Variants in MRPS22 observed in about 807,000 individuals in gnomAD.
MRPS22 encodes the protein small ribosomal subunit protein mS22.
Under a neutral mutation model 44.0 loss-of-function variants are expected in MRPS22, and 30 were observed. That is an observed-to-expected ratio of 0.68 (90% confidence interval 0.51 to 0.93). MRPS22 has a LOEUF of 0.93. Ranked by LOEUF, MRPS22 falls within the 40% of genes least tolerant of loss-of-function variation. The pLI, the probability that MRPS22 is intolerant of heterozygous loss-of-function variation, is 0.00. For synonymous variants in MRPS22, 165 were observed against 154.4 expected (o/e 1.07, Z -0.51); for missense variants, 447 against 447.8 (o/e 1.00, Z 0.02).
rs2307030 is a variant in MRPS22 at position 139,347,219 on chromosome 3, A to G, written c.339+175A>G. On this transcript the variant is annotated intron_variant, in intron 2 of 7. Coordinates refer to ENST00000680020, the MANE Select transcript of MRPS22 (RefSeq NM_020191.4). ...AGGCTGCCAGAGAGGGGCAGGGAGC[A>G]TGGCTGGAATTGAGCAGACTAGGGC... Among the ~76,000 whole-genome samples, 16,781 of 152,200 alleles carry G rather than the reference A, an allele frequency of 0.11. 1,061 individuals carry two copies. The highest frequency in any genetic ancestry group is 0.18 in the African/African-American group (7,310 of 41,496).
intron 6 of MRPS22, among the ~76,000 whole-genome samples, chr3:139,354,358 A>T (rs1314365407): frequency 6.6e-6 from 1 of 152,204 alleles, no homozygotes; most frequent in African/African-American, 2.4e-5. Flanking sequence ...CATTATACTT[A>T]AGCATGAACC....
Position 139,350,957 on chromosome 3 carries a change from ACT to A in MRPS22, c.649-17_649-16del, listed in dbSNP as rs749449233. On this transcript the variant is annotated intron_variant, in intron 4 of 7. Transcript: ENST00000680020. The stretch of plus-strand genomic sequence containing the variant: ...ACTTCAGTGTTCTCATGTGATGCTA[ACT>A]CTGCTGTGTGGTTTTAGACTATGTA... 3.7e-6 allele frequency: 6 copies of A among 1,606,396 alleles called. No individual in the cohort carries two copies. Among genetic ancestry groups the A allele is most frequent in the Non-Finnish European group, 5.1e-6 (6 of 1,173,260 alleles).
Position 139,344,167 on chromosome 3 carries a change from G to C in MRPS22, c.141G>C (p.Gly47=). 6.2e-7 allele frequency: 1 copy of C among 1,610,790 alleles called. No individual in the cohort carries two copies. Among genetic ancestry groups the C allele is most frequent in the Non-Finnish European group, 8.5e-7 (1 of 1,179,098 alleles). ...LQPLPCSFEM[G]LPRRRFSSEA... ...CGCTACCTTGCTCTTTCGAGATGGG[G>C]CTGCCACGCCGCCGGTTCAGCTCCG... Residue 47 remains glycine, a synonymous_variant, in exon 1 of 8, where the codon GGG becomes GGC. Coordinates refer to ENST00000680020, the MANE Select transcript of MRPS22 (RefSeq NM_020191.4).
chr3:139,356,892 T>C (rs2107792928), intron 7 of MRPS22, 27 bp from the exon 8 acceptor site: 1 of 1,547,846 alleles, frequency 6.5e-7, no homozygotes, highest in South Asian at 1.1e-5. Flanking sequence ...TCCTATTGTT[T>C]TAAAATTTTC....
At chr3:139,344,871 CG>C (rs1424072158) in intron 1 of MRPS22, among the ~76,000 whole-genome samples, 2 of 151,616 alleles carry the variant, frequency 1.3e-5, no homozygotes, top group African/African-American at 2.4e-5. Context: ...ATTTTGGGGG[CG>C]GGGGTAGTGC....
At chr3:139,355,811 T>A in intron 7 of MRPS22, 21 bp downstream of exon 7, 2 of 1,581,220 alleles carry the variant, frequency 1.3e-6, no homozygotes, top group Non-Finnish European at 1.7e-6. Context: ...TTTTTCATAT[T>A]GGTTGTTTTG....
intron 5 of MRPS22, 82 bp from the exon 6 acceptor site, chr3:139,352,565 C>T: frequency 7.8e-7 from 1 of 1,283,390 alleles, no homozygotes; most frequent in African/African-American, 1.5e-5. Flanking sequence ...TTGGGCAGCA[C>T]TCATGCTAAT....
At chr3:139,345,117 G>T (rs960261826) in intron 1 of MRPS22, among the ~76,000 whole-genome samples, 4 of 152,202 alleles carry the variant, frequency 2.6e-5, no homozygotes, top group Non-Finnish European at 5.9e-5. Flanking sequence ...TGCCAGAGAT[G>T]AGTATAAGAC....
chr3:139,351,327 T>C (rs1560007439), intron 5 of MRPS22: 4 of 449,582 alleles, frequency 8.9e-6, no homozygotes, highest in Non-Finnish European at 1.6e-5. Flanking sequence ...GGACCCAAGT[T>C]TGATGACAAA....
rs933450038 is a variant in MRPS22 at position 139,352,638 on chromosome 3, T to G, written c.733-9T>G. On this transcript the variant is annotated splice_polypyrimidine_tract_variant and intron_variant, in intron 5 of 7. Transcript: ENST00000680020. Reference sequence around the variant, plus strand: ...CATGTTTCTGAAGAGTTGCATTTTATGTGGATAGGTTCATCACAAGACCTA... The same window carrying G: ...CATGTTTCTGAAGAGTTGCATTTTAGGTGGATAGGTTCATCACAAGACCTA... The G allele has an allele frequency of 1.2e-6, 2 of 1,612,248 alleles. No individual in the cohort carries two copies.
At chr3:139,352,571 C>T (rs1941171211) in intron 5 of MRPS22, 76 bp from the exon 6 acceptor site, 1 of 1,342,700 alleles carries the variant, frequency 7.4e-7, no homozygotes, top group South Asian at 1.2e-5. Context: ...AGCACTCATG[C>T]TAATCAGTGT....
At chr3:139,348,663 C>T (rs1308080576) in intron 3 of MRPS22, among the ~76,000 whole-genome samples, 9 of 152,156 alleles carry the variant, frequency 5.9e-5, no homozygotes, top group Non-Finnish European at 1.0e-4. Flanking sequence ...CTCTTTTCGC[C>T]TAAGTTAGAT....
chr3:139,356,881 G>A, intron 7 of MRPS22, 38 bp from the exon 8 acceptor site: 11 of 1,428,662 alleles, frequency 7.7e-6, no homozygotes, highest in Non-Finnish European at 1.1e-5. Context: ...AATAGCATAT[G>A]TCCTATTGTT....
intron 6 of MRPS22, among the ~76,000 whole-genome samples, chr3:139,353,564 CAT>C (rs1455353341): frequency 2.6e-5 from 4 of 152,288 alleles, no homozygotes; most frequent in East Asian, 1.9e-4. Flanking sequence ...AGTATCCTAA[CAT>C]GTAATACAAA....
At chr3:139,349,184 C>A in intron 3 of MRPS22, 1 of 370,704 alleles carries the variant, frequency 2.7e-6, no homozygotes, top group South Asian at 2.1e-5. Context: ...TATATGTTTG[C>A]AGTGCTGTGC....
At chr3:139,346,371 C>T (rs753285649) in intron 1 of MRPS22, among the ~76,000 whole-genome samples, 22 of 152,262 alleles carry the variant, frequency 1.4e-4, no homozygotes, top group Non-Finnish European at 2.9e-4. Context: ...CCACACCTCC[C>T]ACTTATACCG....
intron 6 of MRPS22, among the ~76,000 whole-genome samples, chr3:139,354,469 G>C (rs1941207719): frequency 6.6e-6 from 1 of 152,204 alleles, no homozygotes; most frequent in Admixed American, 6.5e-5. Flanking sequence ...TTATTGGGGA[G>C]ACATTTCGTT....
intron 3 of MRPS22, chr3:139,349,125 G>A (rs1941099959): frequency 2.9e-6 from 1 of 349,978 alleles, no homozygotes; most frequent in Non-Finnish European, 5.6e-6. Context: ...ATGAACATGA[G>A]TCACAGAGTT....
chr3:139,348,455 T>A, intron 3 of MRPS22, 131 bp downstream of exon 3: 1 of 862,278 alleles, frequency 1.2e-6, no homozygotes, highest in South Asian at 1.4e-5. Flanking sequence ...GAGACCCTTC[T>A]GGAAGATATA....
Sources: allele counts gnomAD v4.1 joint callset (sites outside exome capture counted in the v4.1 genomes callset), GRCh38; gene constraint gnomAD v4.1.1; transcripts MANE v1.5; gene names NCBI Gene and HGNC (gene_info 2026-07-23, HGNC 2026-07-21).